The following MGAT4C variants were observed in gnomAD, a reference collection of about 807,000 sequenced individuals.
The protein encoded by MGAT4C is MGAT4 family member C.
A neutral mutation model predicts 40.1 loss-of-function variants in MGAT4C; 19 were observed. The observed-to-expected ratio is 0.47, with a 90% CI of 0.33 to 0.70. The LOEUF (loss-of-function observed/expected upper bound fraction) is 0.70. Ranked by LOEUF, MGAT4C falls within the 30% of genes least tolerant of loss-of-function variation. The pLI is 0.02. For missense variants in MGAT4C, 491 were observed against 563.2 expected (o/e 0.87, Z 1.30); for synonymous variants, 181 against 187.1 (o/e 0.97, Z 0.27).
At chr12:86,287,837 T>C (rs1289617023) in intron 4 of MGAT4C, among the ~76,000 whole-genome samples, 2 of 152,252 alleles carry the variant, frequency 1.3e-5, no homozygotes, top group Non-Finnish European at 2.9e-5. Context: ...TATAGTAGAA[T>C]GATTTATAAT....
intron 2 of MGAT4C, among the ~76,000 whole-genome samples, chr12:86,643,848 G>A (rs1251356475): frequency 6.6e-6 from 1 of 151,626 alleles, no homozygotes; most frequent in Non-Finnish European, 1.5e-5. Context: ...ATCTCAATAG[G>A]CATAAAGTGA....
chr12:86,104,985 T>C (rs1875882939), intron 1 of MGAT4C, among the ~76,000 whole-genome samples: 1 of 152,170 alleles, frequency 6.6e-6, no homozygotes, highest in Non-Finnish European at 1.5e-5. Flanking sequence ...CTATCCGTGG[T>C]ACTAAATTTA....
chr12:86,774,934 G>T, intron 1 of MGAT4C, among the ~76,000 whole-genome samples: 1 of 152,102 alleles, frequency 6.6e-6, no homozygotes, highest in East Asian at 1.9e-4. Context: ...TGAGAGAAAA[G>T]AATCAATGTA....
intron 2 of MGAT4C, among the ~76,000 whole-genome samples, chr12:86,454,236 CT>C (rs974864045): frequency 1.1e-4 from 16 of 150,770 alleles, no homozygotes; most frequent in East Asian, 5.8e-4. Flanking sequence ...TTATTACATC[CT>C]TTTTTTTTAA....
intron 1 of MGAT4C, among the ~76,000 whole-genome samples, chr12:86,810,172 TA>T (rs1390948252): frequency 6.6e-6 from 1 of 151,996 alleles, no homozygotes; most frequent in Non-Finnish European, 1.5e-5. Context: ...TTCATTTTTT[TA>T]TATTGAAATG....
At chr12:86,070,892 C>T (rs374104654) in intron 1 of MGAT4C, among the ~76,000 whole-genome samples, 35 of 152,000 alleles carry the variant, frequency 2.3e-4, no homozygotes, top group African/African-American at 8.2e-4. Flanking sequence ...AAAAACAGCA[C>T]GTTCCTAATT....
At chr12:86,133,179 A>C (rs1436475605) in intron 1 of MGAT4C, among the ~76,000 whole-genome samples, 11 of 152,248 alleles carry the variant, frequency 7.2e-5, no homozygotes, top group African/African-American at 2.4e-4. Context: ...AAAAATAAGC[A>C]GATAAAATGT....
chr12:86,207,985 T>C (rs1361857283), intron 1 of MGAT4C, among the ~76,000 whole-genome samples: 1 of 152,212 alleles, frequency 6.6e-6, no homozygotes, highest in African/African-American at 2.4e-5. Context: ...GAAGTCCATT[T>C]TGGATTTTTT....
At chr12:86,774,415 C>CTT (rs1951716744) in intron 1 of MGAT4C, among the ~76,000 whole-genome samples, 1 of 148,860 alleles carries the variant, frequency 6.7e-6, no homozygotes, top group Non-Finnish European at 1.5e-5. Flanking sequence ...CTCTCTCTCT[C>CTT]TCTCTCTTTC....
chr12:86,202,553 A>G (rs1384464485), intron 1 of MGAT4C, among the ~76,000 whole-genome samples: 1 of 151,710 alleles, frequency 6.6e-6, no homozygotes, highest in Non-Finnish European at 1.5e-5. Flanking sequence ...ATAGGTTGAT[A>G]TTTTTCACCA....
At chr12:86,717,940 C>A (rs1339847541) in intron 2 of MGAT4C, among the ~76,000 whole-genome samples, 1 of 151,962 alleles carries the variant, frequency 6.6e-6, no homozygotes, top group Non-Finnish European at 1.5e-5. Flanking sequence ...TTCTTTTTCC[C>A]TTACTATCCT....
intron 3 of MGAT4C, among the ~76,000 whole-genome samples, chr12:86,362,882 A>G (rs1239388254): frequency 6.6e-6 from 1 of 151,270 alleles, no homozygotes; most frequent in Non-Finnish European, 1.5e-5. Context: ...AAAAAAAAAA[A>G]AAGCATATGA....
intron 4 of MGAT4C, among the ~76,000 whole-genome samples, chr12:86,265,220 G>A (rs145171802): frequency 5.5e-4 from 84 of 152,210 alleles, no homozygotes; most frequent in Middle Eastern, 3.4e-3. Context: ...TGACATCCAG[G>A]CCAGTAGCGC....
chr12:86,521,454 G>C (rs1349108227), intron 2 of MGAT4C, among the ~76,000 whole-genome samples: 1 of 152,080 alleles, frequency 6.6e-6, no homozygotes, highest in Non-Finnish European at 1.5e-5. Context: ...GCAGTACTAT[G>C]CTGCTCTGTT....
chr12:86,636,742 AT>A lies in MGAT4C; in HGVS notation c.-229+90466del, dbSNP rs140236799. On this transcript the variant is annotated intron_variant, in intron 2 of 7. Transcript: ENST00000548651. ...ATATTGCTTTTAGCAAGTAGACTGA[AT>A]TGCTAATTTGTGACTTTATTGTCAA... Among the ~76,000 whole-genome samples the A allele has an allele frequency of 3.9e-3, 595 of 152,054 alleles. 3 individuals carry two copies. Among genetic ancestry groups the A allele is most frequent in the African/African-American group, 0.014 (580 of 41,520 alleles).
At chr12:86,453,056 T>G (rs1295952007) in intron 2 of MGAT4C, among the ~76,000 whole-genome samples, 1 of 152,192 alleles carries the variant, frequency 6.6e-6, no homozygotes, top group Non-Finnish European at 1.5e-5. Context: ...TGTTACTATA[T>G]TATAGACAGA....
At chr12:86,606,504 C>T (rs1401669536) in intron 2 of MGAT4C, among the ~76,000 whole-genome samples, 1 of 152,100 alleles carries the variant, frequency 6.6e-6, no homozygotes, top group East Asian at 1.9e-4. Context: ...ACATAAAGTA[C>T]CAGACATTTG....
intron 4 of MGAT4C, among the ~76,000 whole-genome samples, chr12:86,319,324 G>C (rs1023287558): frequency 2.0e-5 from 3 of 152,064 alleles, no homozygotes; most frequent in African/African-American, 7.2e-5. Context: ...TGTGATCTCA[G>C]ACTGCTTCTT....
At chr12:86,012,799 C>A (rs372813836) in intron 2 of MGAT4C, among the ~76,000 whole-genome samples, 21,661 of 143,984 alleles carry the variant, frequency 0.15, 1,985 homozygotes, top group Non-Finnish European at 0.22. Flanking sequence ...CCACCACCAC[C>A]ACCACCACCA....
Sources: gnomAD v4.1 joint callset for allele counts (sites outside exome capture counted in the v4.1 genomes callset) on GRCh38, gnomAD v4.1.1 for gene constraint, MANE v1.5 for transcripts, NCBI Gene and HGNC (gene_info 2026-07-23, HGNC 2026-07-21) for gene names.